MYH11: variants seen among roughly 807,000 people sequenced by gnomAD.
MYH11 encodes myosin heavy chain 11.
In MYH11, 80 loss-of-function variants were observed where a neutral mutation model predicts 246.6. The ratio of observed to expected loss-of-function variants is 0.32; its 90% confidence interval spans 0.27 to 0.39. The LOEUF (loss-of-function observed/expected upper bound fraction) is 0.39. Among genes scored for constraint, MYH11 ranks in the 10% least tolerant of loss-of-function variants. The pLI, the probability that MYH11 is intolerant of heterozygous loss-of-function variation, is 1.00. For synonymous variants in MYH11, 1,071 were observed against 1,015.5 expected, an observed-to-expected ratio of 1.05 and a Z score of -1.04; for missense variants, 2,158 against 2,546.8, an observed-to-expected ratio of 0.85 and a Z score of 3.29.
chr16:15,790,507 TC>T (rs2042583806), intron 4 of MYH11, among the ~76,000 whole-genome samples: 1 of 152,136 alleles, frequency 6.6e-6, no homozygotes, highest in Admixed American at 6.5e-5. Flanking sequence ...CCTGGGAGGT[TC>T]TGCCAAAGAA....
chr16:15,798,793 G>A, intron 3 of MYH11, 106 bp from the exon 4 acceptor site: 1 of 1,217,450 alleles, frequency 8.2e-7, no homozygotes, highest in African/African-American at 1.6e-5. Context: ...GCTTCTCCAT[G>A]CTGGCCTCAT....
intron 23 of MYH11, among the ~76,000 whole-genome samples, chr16:15,739,173 C>G (rs2041204316): frequency 6.6e-6 from 1 of 151,770 alleles, no homozygotes; most frequent in Admixed American, 6.6e-5. Context: ...TATCTCAGCT[C>G]ACTGCAACCT....
intron 14 of MYH11, among the ~76,000 whole-genome samples, chr16:15,754,729 T>A (rs947287024): frequency 6.6e-6 from 1 of 152,204 alleles, no homozygotes; most frequent in Admixed American, 6.5e-5. Flanking sequence ...AGTGGTGCAG[T>A]CTCAGCTCAC....
intron 26 of MYH11, among the ~76,000 whole-genome samples, chr16:15,735,127 C>G (rs2041076098): frequency 7.0e-6 from 1 of 143,866 alleles, no homozygotes; most frequent in African/African-American, 2.6e-5. Flanking sequence ...TGCAGTGAGC[C>G]AAGATGGCAC....
chr16:15,723,524 A>G (rs925652788), intron 31 of MYH11, among the ~76,000 whole-genome samples: 1 of 152,154 alleles, frequency 6.6e-6, no homozygotes, highest in Admixed American at 6.5e-5. Flanking sequence ...GTGTGCTCCT[A>G]TAATCCCGGC....
At chr16:15,786,860 G>A (rs116914820) in intron 4 of MYH11, 128 bp from the exon 5 acceptor site, 1 of 921,860 alleles carries the variant, frequency 1.1e-6, no homozygotes, top group African/African-American at 1.6e-5. Flanking sequence ...GCTCCCAGAG[G>A]GGAAGTAACT....
chr16:15,824,077 A>G (rs75621598), intron 2 of MYH11, among the ~76,000 whole-genome samples: 42 of 152,120 alleles, frequency 2.8e-4, no homozygotes, highest in Admixed American at 4.6e-4. Context: ...AGCACTACGC[A>G]GGATCTTTTT....
intron 27 of MYH11, 160 bp downstream of exon 27, chr16:15,732,404 T>C: frequency 8.8e-7 from 1 of 1,140,310 alleles, no homozygotes; most frequent in Non-Finnish European, 1.3e-6. Context: ...CCAGCCTGTA[T>C]GGGAAGCATT....
intron 40 of MYH11, among the ~76,000 whole-genome samples, chr16:15,707,793 G>A (rs1027871157): frequency 6.6e-6 from 1 of 152,128 alleles, no homozygotes; most frequent in Non-Finnish European, 1.5e-5. Context: ...CCAACATGGT[G>A]ATATCCTGTC....
chr16:15,831,022 A>C (rs977430039), intron 2 of MYH11, among the ~76,000 whole-genome samples: 2 of 152,016 alleles, frequency 1.3e-5, no homozygotes, highest in Non-Finnish European at 2.9e-5. Flanking sequence ...AAATACAAAA[A>C]TCAGCTGGGT....
intron 12 of MYH11, among the ~76,000 whole-genome samples, chr16:15,758,259 A>G (rs2041782513): frequency 6.6e-6 from 1 of 152,224 alleles, no homozygotes; most frequent in Admixed American, 6.5e-5. Context: ...ATGGATGGAC[A>G]AACCTCGTAA....
intron 2 of MYH11, 107 bp from the exon 3 acceptor site, chr16:15,823,518 G>C: frequency 1.4e-6 from 2 of 1,409,382 alleles, no homozygotes; most frequent in Non-Finnish European, 2.0e-6. Context: ...GGAGCTTGGA[G>C]TCTTAGTGGA....
intron 5 of MYH11, chr16:15,785,062 C>T (rs895454620): frequency 5.4e-6 from 1 of 185,864 alleles, no homozygotes; most frequent in African/African-American, 2.9e-5. Flanking sequence ...GTCACCCAGG[C>T]TGGTCCTGAA....
chr16:15,712,934 ACCTCTCTCTC>A (rs953038042), intron 40 of MYH11: 12 of 137,692 alleles, frequency 8.7e-5, no homozygotes, highest in African/African-American at 3.4e-4. Context: ...CTGGACTGCA[ACCTCTCTCTC>A]CCGGTTTTAA....
At chr16:15,717,480 A>C in intron 37 of MYH11, 132 bp from the exon 38 acceptor site, 1 of 895,582 alleles carries the variant, frequency 1.1e-6, no homozygotes, top group Non-Finnish European at 1.7e-6. Context: ...CCTCTCCTTC[A>C]TCCTGTAAAA....
At chr16:15,819,029 G>A (rs11645539) in intron 3 of MYH11, among the ~76,000 whole-genome samples, 21,299 of 151,888 alleles carry the variant, frequency 0.14, 1,697 homozygotes, top group African/African-American at 0.22. Context: ...ACAGACTCAC[G>A]CACTGTGGCC....
chr16:15,831,464 GGTGTGTGTGTGTGTGTGTGTGT>G (rs59352444), intron 2 of MYH11, among the ~76,000 whole-genome samples: 1 of 145,588 alleles, frequency 6.9e-6, no homozygotes, highest in Non-Finnish European at 1.5e-5. Context: ...TTATGTTTGG[GGTGTGTGTGTGTGTGTGTGTGT>G]GTGTGTGTGT....
intron 1 of MYH11, among the ~76,000 whole-genome samples, chr16:15,842,957 C>T (rs1237175326): frequency 6.6e-6 from 1 of 152,138 alleles, no homozygotes; most frequent in East Asian, 1.9e-4. Context: ...GTAAGACCAA[C>T]AGTGTCCTGC....
At chr16:15,725,622 C>A (rs1233248487) in intron 28 of MYH11, 1 of 403,524 alleles carries the variant, frequency 2.5e-6, no homozygotes, top group Non-Finnish European at 4.4e-6. Context: ...ATGATCTTGA[C>A]ACTGCTTATA....
Sources: allele counts gnomAD v4.1 joint callset (sites outside exome capture counted in the v4.1 genomes callset), GRCh38; gene constraint gnomAD v4.1.1; transcripts MANE v1.5; gene names NCBI Gene and HGNC (gene_info 2026-07-23, HGNC 2026-07-21).